The following NNT variants were observed in gnomAD, a reference collection of about 807,000 sequenced individuals.
NNT encodes NAD(P) transhydrogenase, mitochondrial.
A neutral mutation model predicts 104.8 loss-of-function variants in NNT; 50 were observed. The ratio of observed to expected loss-of-function variants is 0.48; its 90% CI spans 0.38 to 0.60. The LOEUF is 0.60. NNT is among the 20% of genes least tolerant of loss of function. The pLI is 0.00. For missense variants in NNT, 1,131 were observed against 1,330.7 expected, an observed-to-expected ratio of 0.85 and a Z score of 2.33; for synonymous variants, 461 against 490.4, an observed-to-expected ratio of 0.94 and a Z score of 0.79.
chr5:43,668,996 A>G (rs1391460313), intron 17 of NNT, among the ~76,000 whole-genome samples: 1 of 152,174 alleles, frequency 6.6e-6, no homozygotes, highest in African/African-American at 2.4e-5. Flanking sequence ...GGTCCTTCAC[A>G]TCCCTTGTAA....
In NNT at chr5:43,619,444, T is replaced by A. The variant is rs149427307; in HGVS notation, c.687+325T>A. Among the ~76,000 whole-genome samples, 829 of 152,308 alleles carry A rather than the reference T, an allele frequency of 5.4e-3. 11 individuals are homozygous for A. Among genetic ancestry groups the A allele is most frequent in the African/African-American group, 0.019 (805 of 41,574 alleles). On this transcript the variant is annotated intron_variant, in intron 5 of 21. Coordinates refer to ENST00000344920, the MANE Select transcript of NNT (RefSeq NM_182977.3). ...AACTTTCAAGATACCATTCAGCAGA[T>A]TCTGGGTTTCTCAATTTTTGCAACA...
At chr5:43,657,922 G>A (rs1241956246) in intron 16 of NNT, among the ~76,000 whole-genome samples, 2 of 152,094 alleles carry the variant, frequency 1.3e-5, no homozygotes, top group African/African-American at 4.8e-5. Flanking sequence ...ATCACCTGAG[G>A]TCAGGAGTTT....
At chr5:43,667,765 T>A (rs1021685175) in intron 17 of NNT, among the ~76,000 whole-genome samples, 1 of 152,172 alleles carries the variant, frequency 6.6e-6, no homozygotes, top group African/African-American at 2.4e-5. Flanking sequence ...TGATTTATAA[T>A]CCCGTGGGTA....
intron 2 of NNT, among the ~76,000 whole-genome samples, chr5:43,609,887 G>T (rs867846358): frequency 3.3e-5 from 5 of 152,004 alleles, no homozygotes; most frequent in Admixed American, 6.6e-5. Flanking sequence ...TTATCATCTT[G>T]GTCCAAGCCA....
intron 17 of NNT, among the ~76,000 whole-genome samples, chr5:43,669,263 A>G (rs1414520462): frequency 6.6e-6 from 1 of 151,972 alleles, no homozygotes; most frequent in Non-Finnish European, 1.5e-5. Flanking sequence ...CTAATTGAAT[A>G]CCCTTTATTT....
At chr5:43,685,565 A>C (rs1741944218) in intron 19 of NNT, among the ~76,000 whole-genome samples, 1 of 152,176 alleles carries the variant, frequency 6.6e-6, no homozygotes, top group Non-Finnish European at 1.5e-5. Context: ...CACTCTAAAT[A>C]GTTTAGAAAG....
rs1743059612 is a variant in NNT, at chr5:43,705,354, T to C, written c.*950T>C. ...GACATTAATCTGTCTTCACTGTTTA[T>C]AATACGGATGGATTTTTTTTCAAAT... On this transcript the variant is annotated 3_prime_UTR_variant, in exon 22 of 22. Transcript: ENST00000344920. 6.6e-6 allele frequency: 1 copy of C among 151,970 alleles called. No homozygotes were observed. Among genetic ancestry groups the C allele is most frequent in the South Asian group, 2.1e-4 (1 of 4,830 alleles). The allele number at this position is 151,970 out of a possible 1,614,324, so 9.4% of individuals were successfully genotyped here.
At chr5:43,663,671 C>A (rs1476134496) in intron 17 of NNT, among the ~76,000 whole-genome samples, 1 of 152,112 alleles carries the variant, frequency 6.6e-6, no homozygotes, top group Non-Finnish European at 1.5e-5. Flanking sequence ...TAAAATTGGC[C>A]ATTAGTGCAA....
At chr5:43,691,511 T>C (rs894214910) in intron 19 of NNT, among the ~76,000 whole-genome samples, 1 of 152,212 alleles carries the variant, frequency 6.6e-6, no homozygotes, top group Non-Finnish European at 1.5e-5. Flanking sequence ...AATCTAGTTA[T>C]TTAGTTTCAT....
At chr5:43,651,577 C>T (rs112687077) in intron 12 of NNT, among the ~76,000 whole-genome samples, 162 bp from the exon 13 acceptor site, 125 of 144,680 alleles carry the variant, frequency 8.6e-4, no homozygotes, top group African/African-American at 3.0e-3. Context: ...GACTCCATCT[C>T]AAAAAAAAAA....
At chr5:43,669,034 T>C (rs1038464759) in intron 17 of NNT, among the ~76,000 whole-genome samples, 113 of 152,312 alleles carry the variant, frequency 7.4e-4, no homozygotes, top group African/African-American at 2.2e-3. Context: ...TTTATTCTCT[T>C]TGAAGCAATT....
At chr5:43,673,212 C>A (rs1741224638) in intron 17 of NNT, among the ~76,000 whole-genome samples, 1 of 152,216 alleles carries the variant, frequency 6.6e-6, no homozygotes, top group Non-Finnish European at 1.5e-5. Flanking sequence ...AAAGGGTATT[C>A]CCTGACCCCT....
At chr5:43,684,199 C>T (rs1436426404) in intron 19 of NNT, among the ~76,000 whole-genome samples, 3 of 151,210 alleles carry the variant, frequency 2.0e-5, no homozygotes, top group African/African-American at 7.3e-5. Context: ...GAGATATTTT[C>T]GTAAGCTTTC....
intron 16 of NNT, among the ~76,000 whole-genome samples, chr5:43,657,992 G>A (rs944885883): frequency 3.3e-5 from 5 of 151,946 alleles, no homozygotes; most frequent in Admixed American, 6.6e-5. Context: ...AAAATAAGCC[G>A]GGTGTGGTAG....
In NNT at chr5:43,644,673, A is replaced by G. The variant is rs747451641; in HGVS notation, c.1161A>G (p.Leu387=). ...GAATGGCCACTCAGGCCAGCACCCTATATTCCAACAACATCACCAAACTCC... is the reference window on the plus strand; with the variant it reads ...GAATGGCCACTCAGGCCAGCACCCTGTATTCCAACAACATCACCAAACTCC... ...PSRMATQAST[L]YSNNITKLLK... Residue 387 remains leucine, a synonymous_variant, in exon 9 of 22, where the codon CTA becomes CTG. Coordinates refer to ENST00000344920, the MANE Select transcript of NNT (RefSeq NM_182977.3). 8.7e-6 allele frequency: 14 copies of G among 1,614,220 alleles called. 1 individual carries two copies. Among genetic ancestry groups the G allele is most frequent in the Non-Finnish European group, 1.2e-5 (14 of 1,180,032 alleles).
At chr5:43,702,791 C>A in intron 21 of NNT, 55 bp downstream of exon 21, 2 of 1,224,940 alleles carry the variant, frequency 1.6e-6, no homozygotes, top group Non-Finnish European at 2.3e-6. Flanking sequence ...TTCAAATATA[C>A]ACACAGAACT....
At chr5:43,675,906 T>C (rs889437296) in intron 18 of NNT, among the ~76,000 whole-genome samples, 10 of 152,192 alleles carry the variant, frequency 6.6e-5, no homozygotes, top group African/African-American at 2.4e-4. Context: ...AGCCATGTCT[T>C]TCTGTGATTA....
At chr5:43,618,216 G>A (rs1749885367) in intron 4 of NNT, among the ~76,000 whole-genome samples, 1 of 152,202 alleles carries the variant, frequency 6.6e-6, no homozygotes, top group Non-Finnish European at 1.5e-5. Flanking sequence ...CAGGCTTTAT[G>A]CGAAGTGTTT....
chr5:43,618,999 A>ATTATTTAT (rs372737896), intron 4 of NNT, 33 bp from the exon 5 acceptor site: 3 of 1,211,620 alleles, frequency 2.5e-6, no homozygotes, highest in African/African-American at 3.1e-5. Flanking sequence ...CTTTTATGGA[A>ATTATTTAT]TTATTTATTT....
Sources: allele counts gnomAD v4.1 joint callset (sites outside exome capture counted in the v4.1 genomes callset), GRCh38; gene constraint gnomAD v4.1.1; transcripts MANE v1.5; gene names NCBI Gene and HGNC (gene_info 2026-07-23, HGNC 2026-07-21).